Variants in SERPINA9 observed in about 807,000 individuals in gnomAD.
SERPINA9 encodes serpin A9.
In SERPINA9, 32 loss-of-function variants were observed where a neutral mutation model predicts 24.5. The ratio of observed to expected loss-of-function variants is 1.30; its 90% CI spans 0.98 to 1.75. SERPINA9 has a LOEUF of 1.75. Among genes scored for constraint, SERPINA9 ranks in the 40% most tolerant of loss-of-function variants. The probability of loss-of-function intolerance (pLI) is 0.00; values close to 1 mark genes in which losing one functional copy is unlikely to be tolerated. For synonymous variants in SERPINA9, 233 were observed against 197.7 expected (o/e 1.18, Z -1.50); for missense variants, 594 against 497.1 (o/e 1.19, Z -1.85).
intron 1 of SERPINA9, among the ~76,000 whole-genome samples, chr14:94,475,339 G>T (rs529565612): frequency 6.6e-6 from 1 of 152,140 alleles, no homozygotes; most frequent in African/African-American, 2.4e-5. Context: ...CCTTTTCCAT[G>T]TCCTTAACCT....
chr14:94,469,207 C>A lies in SERPINA9; in HGVS notation c.628+6G>T. 6.2e-7 allele frequency: 1 copy of A among 1,604,188 alleles called. No homozygotes were observed. The highest frequency in any genetic ancestry group is 8.5e-7 in the Non-Finnish European group (1 of 1,175,272). On this transcript the variant is annotated splice_donor_region_variant and intron_variant, in intron 2 of 4. Coordinates refer to ENST00000674397, the MANE Select transcript of SERPINA9 (RefSeq NM_175739.4). ...ATAAATAAAAATCAACTTCTCAAAT[C>A]CTTACCTTTAAAGAAAATGTGGTTC... is the stretch of plus-strand genomic sequence containing the variant.
chr14:94,465,349 TG>T, intron 3 of SERPINA9, among the ~76,000 whole-genome samples: 1 of 152,358 alleles, frequency 6.6e-6, no homozygotes, highest in East Asian at 1.9e-4. Flanking sequence ...ACTTAAACAG[TG>T]GCTTGTGCAA....
At chr14:94,468,514 C>G (rs1286790113) in intron 2 of SERPINA9, among the ~76,000 whole-genome samples, 1 of 152,126 alleles carries the variant, frequency 6.6e-6, no homozygotes, top group Non-Finnish European at 1.5e-5. Flanking sequence ...ATCAGAGTAT[C>G]CAGTCAGCAC....
chr14:94,463,030 G>C lies in SERPINA9; in HGVS notation c.*63C>G. 7.3e-7 allele frequency: 1 copy of C among 1,361,954 alleles called. No homozygotes were observed. The highest frequency in any genetic ancestry group is 1.1e-6 in the Non-Finnish European group (1 of 950,932). The allele number at this position is 1,361,954 out of a possible 1,614,324, so 84.4% of individuals were successfully genotyped here. ...AAATGCACCCTCAGAACAGAAAGAGGGATGTGGTTTGTTATTTCTTGTGCA... is the reference window on the plus strand; with the variant it reads ...AAATGCACCCTCAGAACAGAAAGAGCGATGTGGTTTGTTATTTCTTGTGCA... On this transcript the variant is annotated 3_prime_UTR_variant, in exon 5 of 5. Coordinates refer to ENST00000674397, the MANE Select transcript of SERPINA9 (RefSeq NM_175739.4).
intron 3 of SERPINA9, among the ~76,000 whole-genome samples, chr14:94,465,884 G>A (rs755862811): frequency 1.1e-4 from 17 of 152,188 alleles, no homozygotes; most frequent in Non-Finnish European, 2.2e-4. Context: ...CCCTTTTAAA[G>A]ACGGTAAAGC....
chr14:94,470,021 T>A, intron 1 of SERPINA9, 164 bp from the exon 2 acceptor site: 1 of 647,288 alleles, frequency 1.5e-6, no homozygotes, highest in Non-Finnish European at 2.4e-6. Context: ...TCCCATGATG[T>A]AGATCTTATT....
intron 1 of SERPINA9, chr14:94,475,785 A>C (rs1899599018): frequency 5.3e-6 from 2 of 377,516 alleles, no homozygotes; most frequent in African/African-American, 2.0e-5. Context: ...CGTTAAGACA[A>C]AGAAACCAAC....
rs147519898 is a variant in SERPINA9, at chr14:94,464,640, A to G, written c.1050+67T>C. The G allele has an allele frequency of 9.9e-5, 129 of 1,303,792 alleles. 1 individual carries two copies. In the African/African-American group the frequency reaches 1.7e-3, roughly 17 times the overall value. The allele number at this position is 1,303,792 out of a possible 1,614,324, so 80.8% of individuals were successfully genotyped here. A position where few individuals can be genotyped will look rare whatever the true frequency, so the allele number is the denominator to read the frequency against. On this transcript the variant is annotated intron_variant, in intron 4 of 4. Coordinates refer to ENST00000674397, the MANE Select transcript of SERPINA9 (RefSeq NM_175739.4). ...TCTGTTTCCTTATCAACGAAATAAG[A>G]GCATGTGATTAATTCTGCAGGTGCT...
At chr14:94,464,996 G>A (rs999938245) in intron 3 of SERPINA9, 142 bp from the exon 4 acceptor site, 3 of 690,722 alleles carry the variant, frequency 4.3e-6, no homozygotes, top group Admixed American at 3.2e-5. Flanking sequence ...TCCTAGCCAA[G>A]AAACCCAGGT....
chr14:94,469,667 C>T lies in SERPINA9; in HGVS notation c.174G>A (p.Arg58=), dbSNP rs1899207114. 3 of 1,613,906 alleles carry T rather than the reference C, an allele frequency of 1.9e-6. No individual in the cohort carries two copies. The highest frequency in any genetic ancestry group is 2.5e-6 in the Non-Finnish European group (3 of 1,179,940). ...TCTGACTCGGGGTCTCCAAAACCAG[C>T]CTGCGGTATAGGCGGAAGGCAAAGT... ...NTDFAFRLYR[R]LVLETPSQNI... The change falls in exon 2 of 5, where the codon AGG becomes AGA. Residue 58 remains arginine, a synonymous_variant. Coordinates refer to ENST00000674397, the MANE Select transcript of SERPINA9 (RefSeq NM_175739.4).
chr14:94,469,202 C>T lies in SERPINA9; in HGVS notation c.628+11G>A. On this transcript the variant is annotated intron_variant, in intron 2 of 4. Transcript: ENST00000674397. ...AATAAATAAATAAAAATCAACTTCT[C>T]AAATCCTTACCTTTAAAGAAAATGT... is the stretch of plus-strand genomic sequence containing the variant. 2.5e-6 allele frequency: 4 copies of T among 1,595,920 alleles called. No homozygotes were observed. The highest frequency in any genetic ancestry group is 3.4e-6 in the Non-Finnish European group (4 of 1,172,196).
intron 2 of SERPINA9, 71 bp from the exon 3 acceptor site, chr14:94,467,453 T>A: frequency 7.2e-7 from 1 of 1,397,512 alleles, no homozygotes. Context: ...CAAACTGAAA[T>A]GGGGAATTAC....
intron 1 of SERPINA9, among the ~76,000 whole-genome samples, chr14:94,471,753 A>G (rs1450528013): frequency 6.8e-6 from 1 of 147,372 alleles, no homozygotes; most frequent in Non-Finnish European, 1.5e-5. Flanking sequence ...CCTTTCTCCA[A>G]GAAGGCCATT....
At chr14:94,472,999 G>C (rs1899397346) in intron 1 of SERPINA9, among the ~76,000 whole-genome samples, 1 of 152,210 alleles carries the variant, frequency 6.6e-6, no homozygotes, top group South Asian at 2.1e-4. Context: ...GCAGGGATGT[G>C]CGGACTTGGT....
rs778497863 is a variant in SERPINA9, at chr14:94,467,164, C to A, written c.847G>T (p.Glu283Ter). The A allele has an allele frequency of 9.3e-6, 15 of 1,614,202 alleles. No homozygotes were observed. The South Asian group carries it at 1.6e-4, about 18-fold the overall frequency. Residue 283 changes from glutamate (E) to a stop codon, truncating the protein, a stop_gained, in exon 3 of 5, where the codon GAA (glutamate) becomes TAA (stop). Coordinates refer to ENST00000674397, the MANE Select transcript of SERPINA9 (RefSeq NM_175739.4). LOFTEE classifies it high-confidence loss of function. ...AGTGTTCTGGCTGACAAGGCCTGTT[C>A]CAGTTGCCTCATCTTGCCCTTGCTA... ...LPSKGKMRQL[E>*]QALSARTLRK...
In SERPINA9 at chr14:94,469,079, C is replaced by A. The variant is rs536319814; in HGVS notation, c.628+134G>T. 3.2e-5 allele frequency: 24 copies of A among 745,716 alleles called. No homozygotes were observed. The African/African-American group carries it at 4.1e-4, about 13-fold the overall frequency. 46.2% of individuals were successfully genotyped at this position (745,716 alleles called of 1,614,324 possible). A position where few individuals can be genotyped will look rare whatever the true frequency, so the allele number is the denominator to read the frequency against. On this transcript the variant is annotated intron_variant, in intron 2 of 4. Coordinates refer to ENST00000674397, the MANE Select transcript of SERPINA9 (RefSeq NM_175739.4). ...GTCCTGCAGCCAGCTAATTGCAAAG[C>A]TAATTAGAGCTCAGGCCCTCCCATT...
At chr14:94,475,748 T>A (rs1246561546) in intron 1 of SERPINA9, among the ~76,000 whole-genome samples, 1 of 152,332 alleles carries the variant, frequency 6.6e-6, no homozygotes. Context: ...TCCTTGCTGT[T>A]AGTTTGGAAA....
Position 94,462,912 on chromosome 14 carries a change from G to A in SERPINA9, c.*181C>T. ...AAAAGGGCACTGACTGGGGTTAATG[G>A]GTGTTGGCTTGTGACTGGGGTCCCT... On this transcript the variant is annotated 3_prime_UTR_variant, in exon 5 of 5. Coordinates refer to ENST00000674397, the MANE Select transcript of SERPINA9 (RefSeq NM_175739.4). The A allele has an allele frequency of 6.7e-6, 4 of 599,428 alleles. No homozygotes were observed. The highest frequency in any genetic ancestry group is 1.2e-5 in the Non-Finnish European group (4 of 333,820). The allele number at this position is 599,428 out of a possible 1,614,324, so 37.1% of individuals were successfully genotyped here.
intron 1 of SERPINA9, among the ~76,000 whole-genome samples, chr14:94,471,767 C>A (rs886169425): frequency 2.0e-5 from 3 of 152,164 alleles, no homozygotes; most frequent in African/African-American, 7.2e-5. Context: ...GGCCATTTTA[C>A]CCATGCTGCC....
Sources: allele counts gnomAD v4.1 joint callset (sites outside exome capture counted in the v4.1 genomes callset), GRCh38; gene constraint gnomAD v4.1.1; transcripts MANE v1.5; gene names NCBI Gene and HGNC (gene_info 2026-07-23, HGNC 2026-07-21).